The following SOS1 variants were observed in gnomAD, a reference collection of about 807,000 sequenced individuals.
SOS1 encodes the protein son of sevenless homolog 1.
A neutral mutation model predicts 157.6 loss-of-function variants in SOS1; 25 were observed. The observed-to-expected ratio is 0.16, with a 90% CI of 0.12 to 0.22. The LOEUF (loss-of-function observed/expected upper bound fraction) is 0.22. Ranked by LOEUF, SOS1 falls within the 10% of genes least tolerant of loss-of-function variation. The probability of loss-of-function intolerance (pLI) is 1.00; values close to 1 mark genes in which losing one functional copy is unlikely to be tolerated. For synonymous variants in SOS1, 528 were observed against 534.0 expected, an observed-to-expected ratio of 0.99 and a Z score of 0.16; for missense variants, 1,237 against 1,599.1, an observed-to-expected ratio of 0.77 and a Z score of 3.86.
chr2:39,021,042 T>C (rs558642752), intron 10 of SOS1, among the ~76,000 whole-genome samples: 1 of 151,816 alleles, frequency 6.6e-6, no homozygotes, highest in South Asian at 2.1e-4. Flanking sequence ...GTTCTATAAA[T>C]CTTGAAATTT....
In SOS1 at chr2:39,008,508, T is replaced by C. The variant is rs989509002; in HGVS notation, c.2511-1315A>G. ...CAGTGGAAATTGTGGTGAAAGGCAA[T>C]GGGGAAGAGATTTGTGGATCTAATG... On this transcript the variant is annotated intron_variant, in intron 15 of 22. Transcript: ENST00000402219. Among the ~76,000 whole-genome samples the C allele has an allele frequency of 1.8e-4, 27 of 152,138 alleles. 1 individual carries two copies. The highest frequency in any genetic ancestry group is 7.3e-5 in the Non-Finnish European group (5 of 68,032).
intron 8 of SOS1, chr2:39,034,935 T>C (rs1377815880): frequency 1.9e-6 from 1 of 529,630 alleles, no homozygotes; most frequent in Non-Finnish European, 3.6e-6. Context: ...GACAAAAATA[T>C]CTGACAATTG....
rs55884137 is a variant in SOS1 at position 39,010,527 on chromosome 2, T to C, written c.2510+57A>G. ...AAAAAAAACAAACAAAAAAATTGCA[T>C]TGAAATTCATAACATAGCTGACAGC... On this transcript the variant is annotated intron_variant, in intron 15 of 22. Coordinates refer to ENST00000402219, the MANE Select transcript of SOS1 (RefSeq NM_005633.4). 3.1e-4 allele frequency: 467 copies of C among 1,530,584 alleles called. 4 individuals are homozygous for C. In the East Asian group the frequency reaches 9.5e-3, roughly 31 times the overall value. 94.8% of individuals were successfully genotyped at this position (1,530,584 alleles called of 1,614,324 possible).
Position 39,006,542 on chromosome 2 carries a change from A to C in SOS1, c.2674-13T>G. 1 of 1,287,712 alleles carries C rather than the reference A, an allele frequency of 7.8e-7. No homozygotes were observed. Among genetic ancestry groups the C allele is most frequent in the Non-Finnish European group, 1.1e-6 (1 of 882,728 alleles). The allele number at this position is 1,287,712 out of a possible 1,614,324, so 79.8% of individuals were successfully genotyped here. On this transcript the variant is annotated splice_polypyrimidine_tract_variant and intron_variant, in intron 16 of 22. Transcript: ENST00000402219. ...GACTTGGTATTTGCTATAAGGAAAAAAAATAGGCGTAAGTTTACAAAAGGA... is the reference window on the plus strand; with the variant it reads ...GACTTGGTATTTGCTATAAGGAAAACAAATAGGCGTAAGTTTACAAAAGGA...
chr2:39,067,179 TA>T (rs1671616140), intron 2 of SOS1, among the ~76,000 whole-genome samples: 1 of 152,074 alleles, frequency 6.6e-6, no homozygotes, highest in Non-Finnish European at 1.5e-5. Flanking sequence ...CCTAGCTAGT[TA>T]AAAACAAATT....
rs1348616888 is a variant in SOS1, at chr2:39,120,940, T to A, written c.-518A>T. On this transcript the variant is annotated 5_prime_UTR_variant, in exon 1 of 23. Transcript: ENST00000402219. ...CGCGGGGAAGGGGAAGGACCGGAGG[T>A]CGTTGTTGGGGAATCTGGCTGCCCT... 6.2e-6 allele frequency: 1 copy of A among 161,642 alleles called. No individual in the cohort carries two copies. Among genetic ancestry groups the A allele is most frequent in the East Asian group, 1.9e-4 (1 of 5,364 alleles). 10.0% of individuals were successfully genotyped at this position (161,642 alleles called of 1,614,324 possible).
rs1668532371 is a variant in SOS1 at position 38,985,630 on chromosome 2, A to T, written c.*194T>A. 11 of 660,460 alleles carry T rather than the reference A, an allele frequency of 1.7e-5. No individual in the cohort carries two copies. The highest frequency in any genetic ancestry group is 2.8e-5 in the Non-Finnish European group (11 of 388,520). 40.9% of individuals were successfully genotyped at this position (660,460 alleles called of 1,614,324 possible). A position where few individuals can be genotyped will look rare whatever the true frequency, so the allele number is the denominator to read the frequency against. ...AATTCCTCTAGGTCGGTCTTTCCAT[A>T]TTCTAAACTGGAATACCATTTCCAT... On this transcript the variant is annotated 3_prime_UTR_variant, in exon 23 of 23. Coordinates refer to ENST00000402219, the MANE Select transcript of SOS1 (RefSeq NM_005633.4).
rs935908397 is a variant in SOS1, at chr2:38,984,707, ATAATT to A, written c.*1112_*1116del. 2.0e-5 allele frequency: 3 copies of A among 152,200 alleles called. No homozygotes were observed. The highest frequency in any genetic ancestry group is 4.4e-5 in the Non-Finnish European group (3 of 68,034). 9.4% of individuals were successfully genotyped at this position (152,200 alleles called of 1,614,324 possible). A position where few individuals can be genotyped will look rare whatever the true frequency, so the allele number is the denominator to read the frequency against. ...AAGAATCAACCATTTTCTTCATATA[ATAATT>A]TAATATATGCCAGCCAAACAAAGTA... is the stretch of plus-strand genomic sequence containing the variant. On this transcript the variant is annotated 3_prime_UTR_variant, in exon 23 of 23. Coordinates refer to ENST00000402219, the MANE Select transcript of SOS1 (RefSeq NM_005633.4).
At chr2:39,012,823 G>C (rs569176841) in intron 13 of SOS1, among the ~76,000 whole-genome samples, 1 of 152,142 alleles carries the variant, frequency 6.6e-6, no homozygotes, top group South Asian at 2.1e-4. Flanking sequence ...ATGTGGCTCT[G>C]TTTTATATTG....
intron 6 of SOS1, among the ~76,000 whole-genome samples, chr2:39,040,296 C>T (rs1459920028): frequency 6.6e-6 from 1 of 152,138 alleles, no homozygotes; most frequent in Non-Finnish European, 1.5e-5. Context: ...GGATTACAGG[C>T]ATGAGCCACT....
rs747801798 is a variant in SOS1 at position 39,007,191 on chromosome 2, C to T, written c.2513G>A (p.Cys838Tyr). The T allele has an allele frequency of 2.5e-6, 4 of 1,576,164 alleles. No individual in the cohort carries two copies. In the African/African-American group the frequency reaches 4.0e-5, roughly 16 times the overall value. The change falls in exon 16 of 23, where the codon TGT (cysteine) becomes TAT (tyrosine). Residue 838 changes from cysteine to tyrosine, a missense_variant and splice_region_variant. Transcript: ENST00000402219. ...TTNLTLWFEK[C>Y]IVETENLEER... Reference sequence around the variant, plus strand: ...TTCTAAATTTTCAGTTTCTACAATACATCTGGGAATAAAAAAAAAGTGAAC... The same window carrying T: ...TTCTAAATTTTCAGTTTCTACAATATATCTGGGAATAAAAAAAAAGTGAAC...
chr2:39,006,283 A>G, intron 17 of SOS1, 129 bp downstream of exon 17: 1 of 710,596 alleles, frequency 1.4e-6, no homozygotes, highest in Admixed American at 2.0e-5. Context: ...AAAGGGCTTC[A>G]GGTGCTAAAT....
At chr2:39,110,078 GTA>G (rs1553371506) in intron 1 of SOS1, among the ~76,000 whole-genome samples, 79 of 147,730 alleles carry the variant, frequency 5.3e-4, no homozygotes, top group South Asian at 1.9e-3. Context: ...GTGTGTGTGT[GTA>G]TGTGCATGTA....
chr2:39,121,123 G>A (rs1228946473), upstream of SOS1: 1 of 153,518 alleles, frequency 6.5e-6, no homozygotes, highest in Non-Finnish European at 1.5e-5. Flanking sequence ...AGGAAAGCTC[G>A]AGAGAGAAAG....
chr2:39,054,935 C>G (rs934513199), intron 4 of SOS1, 112 bp from the exon 5 acceptor site: 1 of 691,446 alleles, frequency 1.4e-6, no homozygotes, highest in Non-Finnish European at 2.5e-6. Flanking sequence ...AAAAAGCAGA[C>G]AAACAAATTT....
chr2:39,099,482 G>A (rs1394223161), intron 1 of SOS1, among the ~76,000 whole-genome samples: 1 of 152,196 alleles, frequency 6.6e-6, no homozygotes, highest in Non-Finnish European at 1.5e-5. Flanking sequence ...AGTTCTTTCT[G>A]AGGTGATGAA....
intron 6 of SOS1, among the ~76,000 whole-genome samples, chr2:39,036,633 G>A (rs993161460): frequency 4.6e-5 from 7 of 152,198 alleles, no homozygotes; most frequent in African/African-American, 1.7e-4. Flanking sequence ...GAGTGCAGTG[G>A]CGCGATCTCG....
intron 6 of SOS1, among the ~76,000 whole-genome samples, chr2:39,049,943 A>G (rs1234158919): frequency 6.6e-6 from 1 of 152,182 alleles, no homozygotes; most frequent in Admixed American, 6.5e-5. Context: ...CACATTTGAA[A>G]CAATTCATTG....
chr2:39,005,268 G>A (rs1431969801), intron 17 of SOS1, among the ~76,000 whole-genome samples: 3 of 152,172 alleles, frequency 2.0e-5, no homozygotes. Flanking sequence ...ACCGTGGAAA[G>A]TGAAACCGTG....
Sources: gnomAD v4.1 joint callset for allele counts (sites outside exome capture counted in the v4.1 genomes callset) on GRCh38, gnomAD v4.1.1 for gene constraint, MANE v1.5 for transcripts, NCBI Gene and HGNC (gene_info 2026-07-23, HGNC 2026-07-21) for gene names.